URI1: variants seen among roughly 807,000 people sequenced by gnomAD.
URI1 encodes unconventional prefoldin RPB5 interactor 1.
A neutral mutation model predicts 60.2 loss-of-function variants in URI1; 39 were observed. The ratio of observed to expected loss-of-function variants is 0.65; its 90% CI spans 0.50 to 0.85. URI1 has a LOEUF of 0.85. Among genes scored for constraint, URI1 ranks in the 40% least tolerant of loss-of-function variants. The probability of loss-of-function intolerance (pLI) is 0.00; values close to 1 mark genes in which losing one functional copy is unlikely to be tolerated. For missense variants in URI1, 691 were observed against 665.9 expected (o/e 1.04, Z -0.42); for synonymous variants, 251 against 236.8 (o/e 1.06, Z -0.55).
chr19:29,989,573 C>A (rs774612134), intron 4 of URI1, among the ~76,000 whole-genome samples: 15 of 151,512 alleles, frequency 9.9e-5, no homozygotes, highest in Non-Finnish European at 2.1e-4. Flanking sequence ...CAGGTGCGTA[C>A]CACCACGCCC....
chr19:29,989,168 T>TG (rs1439430458), intron 4 of URI1, among the ~76,000 whole-genome samples: 1 of 152,006 alleles, frequency 6.6e-6, no homozygotes, highest in East Asian at 1.9e-4. Context: ...TGGAGTGCAG[T>TG]GGGGCGATCT....
chr19:30,009,273 G>T lies in URI1; in HGVS notation c.955G>T (p.Asp319Tyr). Residue 319 changes from aspartate (D) to tyrosine (Y), a missense_variant, in exon 8 of 11, where the codon GAT becomes TAT. Asp to Tyr is a radical substitution (Grantham distance 160). Coordinates refer to ENST00000392271, the MANE Select transcript of URI1 (RefSeq NM_003796.3). ...CGACAACATTGACGACGATGATGGT[G>T]ATAACGACCATGAGGCTTTAGGGGT... ...DDDNIDDDDG[D>Y]NDHEALGVGD... 2.5e-6 allele frequency: 4 copies of T among 1,614,016 alleles called. No homozygotes were observed. The highest frequency in any genetic ancestry group is 3.4e-6 in the Non-Finnish European group (4 of 1,179,944).
chr19:29,967,838 A>T (rs2055408545), intron 1 of URI1, among the ~76,000 whole-genome samples: 1 of 152,216 alleles, frequency 6.6e-6, no homozygotes, highest in Non-Finnish European at 1.5e-5. Flanking sequence ...AATATTAAGT[A>T]AGTTACTTCA....
chr19:29,996,627 C>CT (rs2055816568), intron 4 of URI1, among the ~76,000 whole-genome samples: 1 of 152,010 alleles, frequency 6.6e-6, no homozygotes, highest in African/African-American at 2.4e-5. Context: ...CTAGCTAGAA[C>CT]TTCTAGTATG....
In URI1 at chr19:30,000,543, A is replaced by G. The variant is rs550607665; in HGVS notation, c.368-4818A>G. ...CTTATTGTTAAGTAGACTGTTTAGA[A>G]TTCTAGGTCTTAAGTAACTGTTGCC... On this transcript the variant is annotated intron_variant, in intron 4 of 10. Coordinates refer to ENST00000392271, the MANE Select transcript of URI1 (RefSeq NM_003796.3). 6.6e-5 allele frequency among the ~76,000 whole-genome samples: 10 copies of G among 152,102 alleles called. No individual in the cohort carries two copies. In the South Asian group the frequency reaches 2.1e-3, roughly 32 times the overall value.
intron 1 of URI1, chr19:29,925,511 A>C (rs1406378098): frequency 6.6e-6 from 1 of 152,206 alleles, no homozygotes; most frequent in Non-Finnish European, 1.5e-5. Flanking sequence ...GCTTATAATG[A>C]TCACCCTCCT....
intron 4 of URI1, among the ~76,000 whole-genome samples, chr19:29,988,448 A>G (rs2055701253): frequency 6.6e-6 from 1 of 152,150 alleles, no homozygotes; most frequent in Non-Finnish European, 1.5e-5. Context: ...TGCTCTCAGG[A>G]CTCAGCTCCT....
At chr19:29,931,992 T>A (rs2054921911) in intron 1 of URI1, among the ~76,000 whole-genome samples, 1 of 151,050 alleles carries the variant, frequency 6.6e-6, no homozygotes, top group Non-Finnish European at 1.5e-5. Flanking sequence ...GATTATATCA[T>A]CTACCAAGAG....
chr19:29,997,882 A>C (rs2055832320), intron 4 of URI1, among the ~76,000 whole-genome samples: 1 of 152,090 alleles, frequency 6.6e-6, no homozygotes, highest in African/African-American at 2.4e-5. Context: ...CTTCTGCCTC[A>C]GCCTCCCTAG....
chr19:29,943,548 G>C (rs2055060160), intron 1 of URI1, among the ~76,000 whole-genome samples: 1 of 152,150 alleles, frequency 6.6e-6, no homozygotes, highest in Non-Finnish European at 1.5e-5. Flanking sequence ...TTAGGAAGTT[G>C]CTTCAACACT....
At chr19:29,988,734 C>T (rs1437386406) in intron 4 of URI1, among the ~76,000 whole-genome samples, 1 of 152,196 alleles carries the variant, frequency 6.6e-6, no homozygotes, top group Non-Finnish European at 1.5e-5. Flanking sequence ...AGGAACAGAG[C>T]TGCTGTAAGC....
intron 1 of URI1, among the ~76,000 whole-genome samples, chr19:29,924,846 AT>A (rs982151544): frequency 2.0e-5 from 3 of 151,980 alleles, no homozygotes; most frequent in African/African-American, 7.2e-5. Context: ...TTAATTTTTA[AT>A]TTTTTTTAGA....
In URI1 at chr19:30,012,377, G is replaced by A. The variant is rs200140311; in HGVS notation, c.1271G>A (p.Ser424Asn). 1.8e-5 allele frequency: 29 copies of A among 1,614,082 alleles called. No homozygotes were observed. The highest frequency in any genetic ancestry group is 2.5e-5 in the Non-Finnish European group (29 of 1,180,040). The part of the protein sequence containing the change: ...SRENSVCSDT[S>N]ESSAAEFDDR... The stretch of plus-strand genomic sequence containing the variant: ...GAGAATAGTGTGTGTAGCGACACTA[G>A]TGAAAGCAGTGCTGCTGAATTTGAT... Residue 424 changes from serine (S) to asparagine (N), a missense_variant, in exon 10 of 11, where the codon AGT becomes AAT. Coordinates refer to ENST00000392271, the MANE Select transcript of URI1 (RefSeq NM_003796.3).
chr19:29,971,548 A>T (rs1009371995), intron 2 of URI1, among the ~76,000 whole-genome samples: 1 of 151,850 alleles, frequency 6.6e-6, no homozygotes, highest in Non-Finnish European at 1.5e-5. Flanking sequence ...TATTTTGGGG[A>T]TATTTCTTAC....
Position 30,015,665 on chromosome 19 carries a change from AC to A in URI1, c.*597del. On this transcript the variant is annotated 3_prime_UTR_variant, in exon 11 of 11. Coordinates refer to ENST00000392271, the MANE Select transcript of URI1 (RefSeq NM_003796.3). ...TTTCTTTGGAAAGATATTTTGTAAA[AC>A]TTTTTTTTCCAAGTAAAAACTTTAT... is the stretch of plus-strand genomic sequence containing the variant. The A allele has an allele frequency of 7.2e-7, 1 of 1,381,722 alleles. No homozygotes were observed. The highest frequency in any genetic ancestry group is 1.3e-5 in the South Asian group (1 of 74,560). 85.6% of individuals were successfully genotyped at this position (1,381,722 alleles called of 1,614,324 possible).
chr19:29,986,862 T>G (rs1430259184), intron 4 of URI1, among the ~76,000 whole-genome samples: 1 of 152,196 alleles, frequency 6.6e-6, no homozygotes, highest in Non-Finnish European at 1.5e-5. Context: ...AAATGCTTTT[T>G]GGTTTGGAAA....
chr19:29,994,777 G>A (rs1453100050), intron 4 of URI1, among the ~76,000 whole-genome samples: 1 of 149,740 alleles, frequency 6.7e-6, no homozygotes, highest in Non-Finnish European at 1.5e-5. Context: ...TGGAAATTCT[G>A]TGGATTTTTT....
Position 29,971,196 on chromosome 19 carries a change from G to T in URI1, c.121G>T (p.Val41Phe), listed in dbSNP as rs982041570. The T allele has an allele frequency of 6.2e-7, 1 of 1,613,262 alleles. No individual in the cohort carries two copies. Among genetic ancestry groups the T allele is most frequent in the Non-Finnish European group, 8.5e-7 (1 of 1,179,434 alleles). Residue 41 changes from valine (V) to phenylalanine (F), a missense_variant, in exon 2 of 11, where the codon GTC becomes TTC. By Grantham distance (50) the Val-to-Phe change is conservative (BLOSUM62 -1). Coordinates refer to ENST00000392271, the MANE Select transcript of URI1 (RefSeq NM_003796.3). Reference sequence around the variant, plus strand: ...TAGTTATCTGTTTTCATGACAGGTGGTCACTAACTGCCAAGAGAGAATCCA... The same window carrying T: ...TAGTTATCTGTTTTCATGACAGGTGTTCACTAACTGCCAAGAGAGAATCCA... ...ARLREEQEKV[V>F]TNCQERIQHW...
At chr19:30,005,606 G>A (rs1381021259) in intron 5 of URI1, 45 bp from the exon 6 acceptor site, 1 of 1,591,484 alleles carries the variant, frequency 6.3e-7, no homozygotes, top group Admixed American at 1.8e-5. Flanking sequence ...TTAGTATGCT[G>A]GAGATTTGTG....
Sources: allele counts gnomAD v4.1 joint callset (sites outside exome capture counted in the v4.1 genomes callset), GRCh38; gene constraint gnomAD v4.1.1; transcripts MANE v1.5; gene names NCBI Gene and HGNC (gene_info 2026-07-23, HGNC 2026-07-21).